DNAH1: variants seen among roughly 807,000 people sequenced by gnomAD.
DNAH1 encodes dynein axonemal heavy chain 1.
Under a neutral mutation model 484.3 loss-of-function variants are expected in DNAH1, and 327 were observed. The ratio of observed to expected loss-of-function variants is 0.68; its 90% CI spans 0.62 to 0.74. DNAH1 has a LOEUF of 0.74. DNAH1 is among the 30% of genes least tolerant of loss of function. DNAH1 has a pLI of 0.00. For missense variants in DNAH1, 5,052 were observed against 5,546.8 expected (o/e 0.91, Z 2.83); for synonymous variants, 2,192 against 2,191.9 (o/e 1.00, Z 0.00).
rs761782754 is a variant in DNAH1, at chr3:52,368,862, C to G, written c.5887C>G (p.Leu1963Val). 6.2e-7 allele frequency: 1 copy of G among 1,614,044 alleles called. No homozygotes were observed. Among genetic ancestry groups the G allele is most frequent in the South Asian group, 1.1e-5 (1 of 91,076 alleles). ...CTGGATTGAGAACATGAACACGGTG[C>G]TGGATGACAACAAGAAGCTGTGCCT... ...AIWIENMNTV[L>V]DDNKKLCLSS... The change falls in exon 37 of 78, where the codon CTG (leucine) becomes GTG (valine). Residue 1963 changes from leucine (L) to valine (V), a missense_variant. Physicochemically the swap from Leu to Val is conservative, Grantham distance 32 (BLOSUM62 1). This residue lies in a region of DNAH1 where 2,929 missense variants were observed against 3,409.4 expected (regional missense o/e 0.86). Transcript: ENST00000420323. The surrounding 1 kb of genome is among the most constrained non-coding windows in gnomAD (Gnocchi z 4.4).
rs767627378 is a variant in DNAH1, at chr3:52,360,297, C to T, written c.4572-14C>T. ...TTGCCCCATGGCCAGGCCCTCATCT[C>T]CCTGCACCGCCAGGTACTACTGGAC... On this transcript the variant is annotated splice_polypyrimidine_tract_variant and intron_variant, in intron 27 of 77. Coordinates refer to ENST00000420323, the MANE Select transcript of DNAH1 (RefSeq NM_015512.5). The T allele has an allele frequency of 7.5e-6, 12 of 1,608,980 alleles. No individual in the cohort carries two copies. Among genetic ancestry groups the T allele is most frequent in the South Asian group, 4.4e-5 (4 of 90,718 alleles).
At chr3:52,349,887 C>G (rs1200571395) in intron 14 of DNAH1, 102 bp from the exon 15 acceptor site, 17 of 1,466,836 alleles carry the variant, frequency 1.2e-5, no homozygotes, top group Non-Finnish European at 1.6e-5. Context: ...GTGGAGGGGA[C>G]AGTTACCTGT....
chr3:52,393,998 T>G (rs1704507551), intron 66 of DNAH1, among the ~76,000 whole-genome samples: 1 of 152,268 alleles, frequency 6.6e-6, no homozygotes, highest in Non-Finnish European at 1.5e-5. Flanking sequence ...ACAGGCCTTC[T>G]CGAGCCTTGA....
Position 52,364,942 on chromosome 3 carries a change from A to AG in DNAH1, c.5443dup (p.Glu1815GlyfsTer10). ...TCCGACCTGTTTCCCACCATCAAGG[A>AG]GGAGGACACGGACTACGGCATCCTG... On this transcript the variant is annotated frameshift_variant, in exon 34 of 78. Transcript: ENST00000420323. LOFTEE classifies it high-confidence loss of function. This position sits in a 1 kb window ranked among gnomAD's most constrained non-coding sequence, Gnocchi z 4.2. 1.2e-6 allele frequency: 2 copies of AG among 1,613,902 alleles called. No individual in the cohort carries two copies. Among genetic ancestry groups the AG allele is most frequent in the South Asian group, 2.2e-5 (2 of 91,084 alleles).
chr3:52,339,564 A>G (rs1164427596), intron 8 of DNAH1, among the ~76,000 whole-genome samples: 2 of 151,716 alleles, frequency 1.3e-5, no homozygotes, highest in Non-Finnish European at 2.9e-5. Flanking sequence ...GTACTTGTTT[A>G]TTTTTTTAGG....
chr3:52,366,600 G>C, intron 35 of DNAH1, 52 bp downstream of exon 35: 1 of 1,560,860 alleles, frequency 6.4e-7, no homozygotes, highest in Non-Finnish European at 8.7e-7. Flanking sequence ...GCCTGTAGGG[G>C]GGTGCAGCTT....
rs199760108 is a variant in DNAH1, at chr3:52,379,998, C to A, written c.7471C>A (p.Gln2491Lys). 39 of 1,591,480 alleles carry A rather than the reference C, an allele frequency of 2.5e-5. No individual in the cohort carries two copies. In the East Asian group the frequency reaches 8.5e-4, roughly 35 times the overall value. ...VNEEDRSWFD[Q>K]LLKRCMEQWE... ...TGAGGAGGACCGCAGCTGGTTCGAC[C>A]AGCTCCTCAAGCGCTGCATGGAGCA... is the stretch of plus-strand genomic sequence containing the variant. The change falls in exon 48 of 78, where the codon CAG becomes AAG. Residue 2491 changes from glutamine to lysine, a missense_variant. Physicochemically the swap from Gln to Lys is moderately conservative, Grantham distance 53 (BLOSUM62 1). Around this residue, in one of 4 missense-constraint regions of DNAH1, gnomAD observed 2,929 missense variants for 3,409.4 expected, o/e 0.86. Coordinates refer to ENST00000420323, the MANE Select transcript of DNAH1 (RefSeq NM_015512.5). The surrounding 1 kb of genome is among the most constrained non-coding windows in gnomAD (Gnocchi z 4.4).
At position 52,391,474 on chromosome 3, in the gene DNAH1, A is replaced by C; in HGVS notation, c.9923A>C (p.Lys3308Thr). ...TYKQQGNTVL[K>T]LGDTVIPYHE... is the part of the protein sequence containing the mutation. ...AAGCAGCAGGGAAACACGGTGCTGAAGCTGGGGGACACGGTGATCCCCTAC... is the reference window on the plus strand; with the variant it reads ...AAGCAGCAGGGAAACACGGTGCTGACGCTGGGGGACACGGTGATCCCCTAC... Residue 3308 changes from lysine (K) to threonine (T), a missense_variant, in exon 63 of 78, where the codon AAG becomes ACG. Around this residue, in one of 4 missense-constraint regions of DNAH1, gnomAD observed 2,929 missense variants for 3,409.4 expected, o/e 0.86. Coordinates refer to ENST00000420323, the MANE Select transcript of DNAH1 (RefSeq NM_015512.5). The C allele has an allele frequency of 6.2e-7, 1 of 1,612,918 alleles. No homozygotes were observed. Among genetic ancestry groups the C allele is most frequent in the Non-Finnish European group, 8.5e-7 (1 of 1,179,440 alleles).
In DNAH1 at chr3:52,370,649, G is replaced by C; in HGVS notation, c.6417+14G>C. ...GAGAACGAACAGGTGAGAGCCGGCG[G>C]CCCCCAGGGACCAGGAGCCTCAGTC... On this transcript the variant is annotated intron_variant, in intron 40 of 77. Transcript: ENST00000420323. 1 of 1,606,010 alleles carries C rather than the reference G, an allele frequency of 6.2e-7. No individual in the cohort carries two copies. The highest frequency in any genetic ancestry group is 8.5e-7 in the Non-Finnish European group (1 of 1,176,328).
At position 52,323,233 on chromosome 3, in the gene DNAH1, G is replaced by A. The variant is rs377176209; in HGVS notation, c.333+458G>A. 3.3e-5 allele frequency among the ~76,000 whole-genome samples: 5 copies of A among 152,092 alleles called. No individual in the cohort carries two copies. The East Asian group carries it at 7.7e-4, about 23-fold the overall frequency. ...TGTTCCAGGCAGGGGGAGACAACAG[G>A]TACAAAGACCTGGGGTCCCTGAGAG... On this transcript the variant is annotated intron_variant, in intron 2 of 77. Transcript: ENST00000420323.
intron 67 of DNAH1, 118 bp downstream of exon 67, chr3:52,394,779 A>C: frequency 6.7e-7 from 1 of 1,482,280 alleles, no homozygotes; most frequent in Non-Finnish European, 9.0e-7. Context: ...GGCTGTGGCC[A>C]CATCTCCTCT....
rs771205798 is a variant in DNAH1 at position 52,395,374 on chromosome 3, C to G, written c.11035C>G (p.Pro3679Ala). 2 of 1,613,870 alleles carry G rather than the reference C, an allele frequency of 1.2e-6. No homozygotes were observed. Among genetic ancestry groups the G allele is most frequent in the Non-Finnish European group, 1.7e-6 (2 of 1,179,884 alleles). ...CACACCCCTCATCTTTGTGCTGTCA[C>G]CCGGCACAGACCCTGCTGCCGACCT... ...STTPLIFVLS[P>A]GTDPAADLYK... The change falls in exon 69 of 78, where the codon CCC becomes GCC. Residue 3679 changes from proline to alanine, a missense_variant. By Grantham distance (27) the Pro-to-Ala change is conservative. This residue lies in a region of DNAH1 where 853 missense variants were observed against 899.0 expected (regional missense o/e 0.95). Coordinates refer to ENST00000420323, the MANE Select transcript of DNAH1 (RefSeq NM_015512.5). The surrounding 1 kb of genome is among the most constrained non-coding windows in gnomAD (Gnocchi z 4.4).
Position 52,396,399 on chromosome 3 carries a change from G to A in DNAH1, c.11291G>A (p.Ser3764Asn). The A allele has an allele frequency of 6.3e-7, 1 of 1,586,582 alleles. No homozygotes were observed. The highest frequency in any genetic ancestry group is 8.6e-7 in the Non-Finnish European group (1 of 1,166,976). The part of the protein sequence containing the change: ...VHRDFRLWLT[S>N]LPSNKFPVSI... Reference sequence around the variant, plus strand: ...AGGGACTTCCGCCTCTGGCTCACCAGCCTGCCCAGCAACAAGTTCCCAGTG... The same window carrying A: ...AGGGACTTCCGCCTCTGGCTCACCAACCTGCCCAGCAACAAGTTCCCAGTG... The change falls in exon 71 of 78, where the codon AGC becomes AAC. Residue 3764 changes from serine (S) to asparagine (N), a missense_variant. Coordinates refer to ENST00000420323, the MANE Select transcript of DNAH1 (RefSeq NM_015512.5).
Position 52,392,482 on chromosome 3 carries a change from A to T in DNAH1, c.10071A>T (p.Leu3357=). The stretch of plus-strand genomic sequence containing the variant: ...CCGGCAGTGGCCTAGAGGACCAGCT[A>T]CTGGGCCAGGTAGTGGCAGAGGAGC... ...TLSPSGLEDQ[L]LGQVVAEERP... Residue 3357 remains leucine, a synonymous_variant, in exon 64 of 78, where the codon CTA becomes CTT. Coordinates refer to ENST00000420323, the MANE Select transcript of DNAH1 (RefSeq NM_015512.5). 1 of 1,613,672 alleles carries T rather than the reference A, an allele frequency of 6.2e-7. No homozygotes were observed.
Position 52,343,732 on chromosome 3 carries a change from G to A in DNAH1, c.1287-758G>A, listed in dbSNP as rs532674965. On this transcript the variant is annotated intron_variant, in intron 8 of 77. Transcript: ENST00000420323. ...CAGAGGTGGGAGGGAGGGAGAGATC[G>A]ATGGCAGAGACCAACTCAAGGAACA... Among the ~76,000 whole-genome samples the A allele has an allele frequency of 4.6e-5, 7 of 152,296 alleles. No individual in the cohort carries two copies. The East Asian group carries it at 5.8e-4, about 13-fold the overall frequency.
Position 52,352,470 on chromosome 3 carries a change from C to T in DNAH1, c.2872-82C>T, listed in dbSNP as rs1003739367. The T allele has an allele frequency of 7.8e-6, 12 of 1,535,890 alleles. No homozygotes were observed. The Middle Eastern group carries it at 8.8e-4, about 112-fold the overall frequency. On this transcript the variant is annotated intron_variant, in intron 17 of 77. Coordinates refer to ENST00000420323, the MANE Select transcript of DNAH1 (RefSeq NM_015512.5). ...CGGAGGAGTGGACGTCCTGGGACCT[C>T]TGGTTCCCTGGGTTTGCATGGGAAG... is the stretch of plus-strand genomic sequence containing the variant.
rs61739897 is a variant in DNAH1, at chr3:52,358,734, C to A, written c.4263C>A (p.Pro1421=). The change falls in exon 25 of 78, where the codon CCC becomes CCA. Residue 1421 remains proline, a synonymous_variant. Coordinates refer to ENST00000420323, the MANE Select transcript of DNAH1 (RefSeq NM_015512.5). This position sits in a 1 kb window ranked among gnomAD's most constrained non-coding sequence, Gnocchi z 4.2. ...DIIEKAIRAY[P]TMPRTQWVLN... ...TTGAGAAGGCCATCAGGGCCTACCCCACGGTGAGCCGCCCGCAGCCCGTGC... is the reference window on the plus strand; with the variant it reads ...TTGAGAAGGCCATCAGGGCCTACCCAACGGTGAGCCGCCCGCAGCCCGTGC... 5.0e-6 allele frequency: 8 copies of A among 1,612,136 alleles called. No homozygotes were observed. Among genetic ancestry groups the A allele is most frequent in the Non-Finnish European group, 6.8e-6 (8 of 1,179,552 alleles).
intron 8 of DNAH1, among the ~76,000 whole-genome samples, chr3:52,337,310 G>A (rs1284743061): frequency 6.6e-6 from 1 of 152,202 alleles, no homozygotes; most frequent in Non-Finnish European, 1.5e-5. Context: ...TTGTTTATCA[G>A]TTCCAGGCCT....
intron 44 of DNAH1, among the ~76,000 whole-genome samples, chr3:52,373,420 AAG>A (rs1703444014): frequency 6.6e-6 from 1 of 152,246 alleles, no homozygotes. Context: ...AAGAAGGAGA[AAG>A]AATCACCAAA....
Sources: gnomAD v4.1 joint callset for allele counts (sites outside exome capture counted in the v4.1 genomes callset) on GRCh38, gnomAD v4.1.1 for gene constraint, gnomAD v4.1.1 regional missense constraint, Gnocchi (gnomAD v3.1) non-coding constraint, MANE v1.5 for transcripts, NCBI Gene and HGNC (gene_info 2026-07-23, HGNC 2026-07-21) for gene names.